The following RAPGEF2 variants were observed in gnomAD, a reference collection of about 807,000 sequenced individuals.
RAPGEF2 encodes the protein PDZ domain containing guanine nucleotide exchange factor (GEF) 1.
In RAPGEF2, 54 loss-of-function variants were observed where a neutral mutation model predicts 186.7. The observed-to-expected ratio is 0.29, with a 90% confidence interval of 0.23 to 0.36. RAPGEF2 has a LOEUF of 0.36. RAPGEF2 is among the 10% of genes least tolerant of loss of function. RAPGEF2 has a pLI of 1.00. For synonymous variants in RAPGEF2, 712 were observed against 705.9 expected (o/e 1.01, Z -0.14); for missense variants, 1,532 against 2,045.0 (o/e 0.75, Z 4.84).
intron 4 of RAPGEF2, among the ~76,000 whole-genome samples, chr4:159,231,926 T>A (rs1752686871): frequency 2.6e-5 from 4 of 152,220 alleles, no homozygotes; most frequent in Non-Finnish European, 5.9e-5. Context: ...CACTTCATTG[T>A]TAAGTTATCA....
chr4:159,149,325 A>G (rs953652058), intron 1 of RAPGEF2, among the ~76,000 whole-genome samples: 2 of 152,008 alleles, frequency 1.3e-5, no homozygotes, highest in South Asian at 4.1e-4. Context: ...CAGTGGCGTG[A>G]TCTTGGCTCA....
intron 5 of RAPGEF2, among the ~76,000 whole-genome samples, chr4:159,240,237 A>C (rs1753798592): frequency 6.6e-6 from 1 of 151,588 alleles, no homozygotes; most frequent in East Asian, 1.9e-4. Flanking sequence ...GTGTGAGAAC[A>C]GTTTTGTAAC....
At chr4:159,151,275 T>C (rs901723754) in intron 1 of RAPGEF2, among the ~76,000 whole-genome samples, 6 of 152,232 alleles carry the variant, frequency 3.9e-5, no homozygotes, top group African/African-American at 1.2e-4. Context: ...TGCTCACAGC[T>C]GCAGTCAATG....
intron 7 of RAPGEF2, among the ~76,000 whole-genome samples, chr4:159,246,212 G>A (rs1476799859): frequency 2.6e-5 from 4 of 152,098 alleles, no homozygotes; most frequent in Non-Finnish European, 1.5e-5. Context: ...TTTTCCAGTA[G>A]ATGAGGCTTA....
chr4:159,341,773 G>T lies in RAPGEF2; in HGVS notation c.2744G>T (p.Cys915Phe), dbSNP rs779647947. Residue 915 changes from cysteine to phenylalanine, a missense_variant, in exon 20 of 30, where the codon TGT becomes TTT. Around this residue, in one of 4 missense-constraint regions of RAPGEF2, gnomAD observed 810 missense variants for 1,210.5 expected, o/e 0.67. Transcript: ENST00000691494. The part of the protein sequence containing the change: ...DLFKLRSKTS[C>F]ANLKRFEEVI... ...TTTAAACTCAGATCAAAAACCAGCT[G>T]TGCCAACCTGAAGAGATTTGAAGAA... 7 of 1,614,022 alleles carry T rather than the reference G, an allele frequency of 4.3e-6. No individual in the cohort carries two copies. Among genetic ancestry groups the T allele is most frequent in the South Asian group, 1.1e-5 (1 of 91,066 alleles).
chr4:159,330,605 T>C (rs991105283), intron 13 of RAPGEF2, 107 bp downstream of exon 13: 1 of 779,916 alleles, frequency 1.3e-6, no homozygotes, highest in African/African-American at 1.9e-5. Flanking sequence ...TGTAATGAAA[T>C]AGGAGAATGT....
chr4:159,109,364 A>G (rs936814553), intron 1 of RAPGEF2, among the ~76,000 whole-genome samples: 1 of 152,044 alleles, frequency 6.6e-6, no homozygotes, highest in African/African-American at 2.4e-5. Flanking sequence ...GACTTAGGAG[A>G]TATGGAAACC....
At chr4:159,269,145 G>C (rs1341419112) in intron 7 of RAPGEF2, among the ~76,000 whole-genome samples, 1 of 152,186 alleles carries the variant, frequency 6.6e-6, no homozygotes, top group East Asian at 1.9e-4. Context: ...GGCTTTGTAA[G>C]TTTATAGATA....
intron 1 of RAPGEF2, among the ~76,000 whole-genome samples, chr4:159,171,586 T>G (rs927073296): frequency 2.6e-5 from 4 of 152,160 alleles, no homozygotes; most frequent in African/African-American, 9.7e-5. Flanking sequence ...CCACAACATC[T>G]TCCTACATCA....
At chr4:159,235,211 G>T (rs1753110810) in intron 4 of RAPGEF2, among the ~76,000 whole-genome samples, 1 of 152,096 alleles carries the variant, frequency 6.6e-6, no homozygotes, top group African/African-American at 2.4e-5. Context: ...TTCTATAAGG[G>T]CATGCATTGT....
At chr4:159,133,138 A>G (rs1741293562) in intron 1 of RAPGEF2, among the ~76,000 whole-genome samples, 1 of 152,166 alleles carries the variant, frequency 6.6e-6, no homozygotes, top group Admixed American at 6.5e-5. Flanking sequence ...GTTTGGAAAG[A>G]TGTATACTGA....
chr4:159,240,568 C>T (rs1273042809), intron 5 of RAPGEF2, among the ~76,000 whole-genome samples: 1 of 151,710 alleles, frequency 6.6e-6, no homozygotes, highest in East Asian at 1.9e-4. Flanking sequence ...CTCCTGACCT[C>T]GTGATCCACC....
chr4:159,208,565 A>G (rs1171444153), intron 3 of RAPGEF2, among the ~76,000 whole-genome samples: 1 of 152,206 alleles, frequency 6.6e-6, no homozygotes, highest in African/African-American at 2.4e-5. Context: ...TGGCTTCCCA[A>G]TATCGTGGAA....
chr4:159,147,854 C>T (rs959081847), intron 1 of RAPGEF2, among the ~76,000 whole-genome samples: 2 of 152,184 alleles, frequency 1.3e-5, no homozygotes, highest in Admixed American at 6.5e-5. Context: ...TACAGATTTA[C>T]AGGTAGTTGA....
Position 159,358,494 on chromosome 4 carries a change from A to AT in RAPGEF2, c.*363dup, listed in dbSNP as rs1007559151. 25 of 247,344 alleles carry AT rather than the reference A, an allele frequency of 1.0e-4. No homozygotes were observed. The highest frequency in any genetic ancestry group is 1.2e-4 in the Non-Finnish European group (16 of 130,970). 15.3% of individuals were successfully genotyped at this position (247,344 alleles called of 1,614,324 possible). A position where few individuals can be genotyped will look rare whatever the true frequency, so the allele number is the denominator to read the frequency against. On this transcript the variant is annotated 3_prime_UTR_variant, in exon 30 of 30. Transcript: ENST00000691494. ...GCTGCACTTCTCAATGCCTGGAAGG[A>AT]TTTTTTTTAATCTTCCTTTTAGATT...
In RAPGEF2 at chr4:159,304,438, G is replaced by A; in HGVS notation, c.640G>A (p.Asp214Asn). ...SSHSGCSITS[D>N]SGSSSLSDIY... ...CCATTCAGGATGTAGTATCACTAGT[G>A]ATTCTGGGAGCAGCAGTCTTTCTGA... Residue 214 changes from aspartate (D) to asparagine (N), a missense_variant, in exon 8 of 30, where the codon GAT (aspartate) becomes AAT (asparagine). Asp to Asn is a conservative substitution (Grantham distance 23, BLOSUM62 1). Coordinates refer to ENST00000691494, the MANE Select transcript of RAPGEF2 (RefSeq NM_001394067.2). 6.2e-7 allele frequency: 1 copy of A among 1,605,214 alleles called. No homozygotes were observed. The highest frequency in any genetic ancestry group is 1.1e-5 in the South Asian group (1 of 90,760).
At chr4:159,291,566 G>A (rs1439581636) in intron 7 of RAPGEF2, among the ~76,000 whole-genome samples, 3 of 152,172 alleles carry the variant, frequency 2.0e-5, no homozygotes, top group Non-Finnish European at 2.9e-5. Flanking sequence ...AAAGTGCTGG[G>A]ATTACAGGCA....
chr4:159,215,737 T>G (rs956551340), intron 4 of RAPGEF2, among the ~76,000 whole-genome samples: 4 of 152,200 alleles, frequency 2.6e-5, no homozygotes, highest in Non-Finnish European at 5.9e-5. Flanking sequence ...GAGAGGAATC[T>G]CTTCACTTTC....
Position 159,359,029 on chromosome 4 carries a change from T to C in RAPGEF2, c.*890T>C, listed in dbSNP as rs964139656. 3.3e-5 allele frequency: 5 copies of C among 152,246 alleles called. No homozygotes were observed. The highest frequency in any genetic ancestry group is 1.2e-4 in the African/African-American group (5 of 41,460). 9.4% of individuals were successfully genotyped at this position (152,246 alleles called of 1,614,324 possible). A position where few individuals can be genotyped will look rare whatever the true frequency, so the allele number is the denominator to read the frequency against. On this transcript the variant is annotated 3_prime_UTR_variant, in exon 30 of 30. Transcript: ENST00000691494. ...ACCCTTGTGTCCTGTCTGAGCCTTA[T>C]GGAGGCAGGACGGTGTCATTGGCGG...
Sources: gnomAD v4.1 joint callset for allele counts (sites outside exome capture counted in the v4.1 genomes callset) on GRCh38, gnomAD v4.1.1 for gene constraint, gnomAD v4.1.1 regional missense constraint, MANE v1.5 for transcripts, NCBI Gene and HGNC (gene_info 2026-07-23, HGNC 2026-07-21) for gene names.